Variants in PDE4D observed in about 807,000 individuals in gnomAD.
PDE4D encodes phosphodiesterase 4D.
PDE4D carries 24 observed loss-of-function variants against 87.4 expected under a neutral mutation model. That is an observed-to-expected ratio of 0.27 (90% CI 0.20 to 0.39). The LOEUF is 0.39. Among genes scored for constraint, PDE4D ranks in the 10% least tolerant of loss-of-function variants. The pLI is 1.00. For synonymous variants in PDE4D, 384 were observed against 383.2 expected, an observed-to-expected ratio of 1.00 and a Z score of -0.02; for missense variants, 714 against 1,041.0, an observed-to-expected ratio of 0.69 and a Z score of 4.32.
At chr5:58,999,453 A>T in intron 6 of PDE4D, 1 of 1,027,268 alleles carries the variant, frequency 9.7e-7, no homozygotes, top group South Asian at 1.4e-5. Flanking sequence ...TTTTGTAATC[A>T]GAGTAAGGAG....
intron 1 of PDE4D, among the ~76,000 whole-genome samples, chr5:60,308,693 A>C (rs1438107423): frequency 1.3e-5 from 2 of 152,218 alleles, no homozygotes; most frequent in East Asian, 3.8e-4. Flanking sequence ...TTATAATTAC[A>C]GTATTATGGG....
chr5:60,507,312 C>T (rs1450583125), intron 1 of PDE4D, among the ~76,000 whole-genome samples: 2 of 152,076 alleles, frequency 1.3e-5, no homozygotes, highest in South Asian at 2.1e-4. Context: ...TGACCTCAGG[C>T]GATCCACCTG....
At chr5:59,374,048 G>A (rs1784343681) in intron 1 of PDE4D, among the ~76,000 whole-genome samples, 1 of 151,978 alleles carries the variant, frequency 6.6e-6, no homozygotes, top group African/African-American at 2.4e-5. Flanking sequence ...AGAAAGGAAA[G>A]ACCATTACCA....
intron 11 of PDE4D, among the ~76,000 whole-genome samples, chr5:58,986,590 G>T (rs1033450998): frequency 2.6e-5 from 4 of 152,186 alleles, no homozygotes; most frequent in African/African-American, 9.6e-5. Flanking sequence ...AACTGCTCAT[G>T]CAAGGGATCT....
chr5:59,568,523 C>T (rs1821314797), intron 1 of PDE4D, among the ~76,000 whole-genome samples: 1 of 152,038 alleles, frequency 6.6e-6, no homozygotes, highest in Non-Finnish European at 1.5e-5. Context: ...AAAAATAATA[C>T]ATTTATAGTG....
chr5:59,176,271 G>A (rs1055488157), intron 5 of PDE4D, among the ~76,000 whole-genome samples: 1 of 152,034 alleles, frequency 6.6e-6, no homozygotes, highest in African/African-American at 2.4e-5. Context: ...TCAAACTCTC[G>A]GCCAGGTGTG....
intron 5 of PDE4D, among the ~76,000 whole-genome samples, chr5:59,173,262 C>T (rs1783297380): frequency 6.6e-6 from 1 of 152,162 alleles, no homozygotes; most frequent in Admixed American, 6.6e-5. Flanking sequence ...ACAAGTCTAA[C>T]TTCAATCAAT....
In PDE4D at chr5:60,442,296, C is replaced by CGGATGAAGCTGGACACCATCA. The variant is rs1221715699; in HGVS notation, c.-90+45625_-90+45645dup. Reference sequence around the variant, plus strand: ...TGAGTTCATGTCCTTTTCAGGGACACGGATGAAGCTGGACACCATCATTCT... The same window carrying CGGATGAAGCTGGACACCATCA: ...TGAGTTCATGTCCTTTTCAGGGACACGGATGAAGCTGGACACCATCAGGATGAAGCTGGACACCATCATTCT... On this transcript the variant is annotated intron_variant, in intron 1 of 16. Coordinates refer to the PDE4D transcript ENST00000502484. Among the ~76,000 whole-genome samples, 51 of 152,128 alleles carry CGGATGAAGCTGGACACCATCA rather than the reference C, an allele frequency of 3.4e-4. 1 individual carries two copies. In the Middle Eastern group the frequency reaches 0.014, roughly 41 times the overall value.
At chr5:59,073,161 C>A (rs959780863) in intron 5 of PDE4D, among the ~76,000 whole-genome samples, 1 of 152,012 alleles carries the variant, frequency 6.6e-6, no homozygotes, top group Non-Finnish European at 1.5e-5. Context: ...AACAAAATAC[C>A]AAGGAACTGA....
At chr5:59,922,089 TGCCCTGTCACAGTGGA>T (rs1462045939) in intron 3 of PDE4D, among the ~76,000 whole-genome samples, 5 of 152,138 alleles carry the variant, frequency 3.3e-5, no homozygotes, top group Non-Finnish European at 7.4e-5. Context: ...AACTCAGTGC[TGCCCTGTCACAGTGGA>T]AAGCAACACT....
chr5:59,961,496 T>C (rs575396905), intron 3 of PDE4D, among the ~76,000 whole-genome samples: 14 of 152,004 alleles, frequency 9.2e-5, no homozygotes, highest in Non-Finnish European at 2.1e-4. Context: ...GATGCAGAAT[T>C]CTCTCTGCAA....
chr5:59,444,560 C>G (rs1173608569), intron 1 of PDE4D, among the ~76,000 whole-genome samples: 1 of 152,192 alleles, frequency 6.6e-6, no homozygotes, highest in Non-Finnish European at 1.5e-5. Flanking sequence ...CGCCTGTAAT[C>G]TCAGCACTTT....
rs140198789 is a variant in PDE4D at position 59,822,746 on chromosome 5, C to T, written c.455+70422G>A. 8.3e-4 allele frequency among the ~76,000 whole-genome samples: 126 copies of T among 152,274 alleles called. No individual in the cohort carries two copies. The East Asian group carries it at 0.021, about 25-fold the overall frequency. On this transcript the variant is annotated intron_variant, in intron 1 of 14. Coordinates refer to ENST00000340635, the MANE Select transcript of PDE4D (RefSeq NM_001104631.2). ...CATACCTGTCCAATCCAGCTTTATA[C>T]GTGGCCTAAAACAATGCAGCCCCTG...
intron 1 of PDE4D, among the ~76,000 whole-genome samples, chr5:59,484,417 A>G (rs1340037846): frequency 3.3e-5 from 5 of 152,148 alleles, no homozygotes; most frequent in South Asian, 2.1e-4. Flanking sequence ...CTTTGTGAAT[A>G]CTTGACTCCC....
At chr5:60,339,188 T>A (rs888610526) in intron 1 of PDE4D, among the ~76,000 whole-genome samples, 4 of 152,026 alleles carry the variant, frequency 2.6e-5, no homozygotes, top group Non-Finnish European at 5.9e-5. Context: ...ATTTTTGTTT[T>A]TTTCCTTATT....
At chr5:59,642,441 T>A (rs1221496794) in intron 1 of PDE4D, among the ~76,000 whole-genome samples, 1 of 152,204 alleles carries the variant, frequency 6.6e-6, no homozygotes, top group Non-Finnish European at 1.5e-5. Context: ...TCCCATAATT[T>A]CCATGTGTTG....
intron 1 of PDE4D, among the ~76,000 whole-genome samples, chr5:59,479,504 C>T (rs375090154): frequency 9.9e-5 from 15 of 152,138 alleles, no homozygotes; most frequent in African/African-American, 3.6e-4. Context: ...TCCAAATTTC[C>T]CATTTACATT....
intron 1 of PDE4D, among the ~76,000 whole-genome samples, chr5:60,289,926 T>A (rs1020808344): frequency 6.6e-6 from 1 of 152,118 alleles, no homozygotes; most frequent in Non-Finnish European, 1.5e-5. Flanking sequence ...CTGAATTGAT[T>A]TTTCCTAAAT....
In PDE4D at chr5:60,111,464, T is replaced by C. The variant is rs574897352; in HGVS notation, c.42+74093A>G. 2.0e-5 allele frequency among the ~76,000 whole-genome samples: 3 copies of C among 152,172 alleles called. No individual in the cohort carries two copies. The East Asian group carries it at 5.8e-4, about 29-fold the overall frequency. ...TCATATATTTGTTAAACATCTTACC[T>C]AGAAATTCTTTATTTGGAAATATTC... On this transcript the variant is annotated intron_variant, in intron 2 of 16. Transcript: ENST00000502484.
Sources: gnomAD v4.1 joint callset for allele counts (sites outside exome capture counted in the v4.1 genomes callset) on GRCh38, gnomAD v4.1.1 for gene constraint, MANE v1.5 for transcripts, NCBI Gene and HGNC (gene_info 2026-07-23, HGNC 2026-07-21) for gene names.